GNL3: variants seen among roughly 807,000 people sequenced by gnomAD.
GNL3 encodes guanine nucleotide-binding protein-like 3.
A neutral mutation model predicts 70.6 loss-of-function variants in GNL3; 77 were observed. The observed-to-expected ratio is 1.09, with a 90% confidence interval of 0.91 to 1.32. The LOEUF (loss-of-function observed/expected upper bound fraction) is 1.32. Among genes scored for constraint, GNL3 ranks in the 40% most tolerant of loss-of-function variants. GNL3 has a pLI of 0.00. For missense variants in GNL3, 634 were observed against 644.0 expected (o/e 0.98, Z 0.17); for synonymous variants, 252 against 216.1 (o/e 1.17, Z -1.46).
At position 52,687,246 on chromosome 3, in the gene GNL3, G is replaced by A. The variant is rs1170303484; in HGVS notation, c.73G>A (p.Val25Ile). 1 of 1,611,014 alleles carries A rather than the reference G, an allele frequency of 6.2e-7. No homozygotes were observed. Among genetic ancestry groups the A allele is most frequent in the South Asian group, 1.1e-5 (1 of 91,014 alleles). ...CHKRYKIQKK[V>I]REHHRKLRKE... Reference sequence around the variant, plus strand: ...AGACAAAATCTCTTTATTTTAATAGGTTCGAGAACATCATCGAAAATTAAG... The same window carrying A: ...AGACAAAATCTCTTTATTTTAATAGATTCGAGAACATCATCGAAAATTAAG... Residue 25 changes from valine to isoleucine, a missense_variant and splice_region_variant, in exon 3 of 15, where the codon GTT becomes ATT. Coordinates refer to ENST00000418458, the MANE Select transcript of GNL3 (RefSeq NM_014366.5).
rs1036072311 is a variant in GNL3, at chr3:52,688,320, G to A, written c.408+128G>A. 12 of 618,352 alleles carry A rather than the reference G, an allele frequency of 1.9e-5. No homozygotes were observed. In the East Asian group the frequency reaches 2.7e-4, roughly 14 times the overall value. 38.3% of individuals were successfully genotyped at this position (618,352 alleles called of 1,614,324 possible). ...GTTATATGGGTAAACTTGCGTCATA[G>A]GGGTTTGCTGTACAGATTATTTCAT... On this transcript the variant is annotated intron_variant, in intron 5 of 14. Coordinates refer to ENST00000418458, the MANE Select transcript of GNL3 (RefSeq NM_014366.5).
intron 1 of GNL3, 82 bp from the exon 2 acceptor site, chr3:52,686,687 C>T (rs930689897): frequency 1.9e-6 from 2 of 1,048,180 alleles, no homozygotes; most frequent in African/African-American, 3.2e-5. Context: ...GCCAATAACA[C>T]AAGAAAAGGA....
Position 52,693,335 on chromosome 3 carries a change from CTTTCT to C in GNL3, c.1187+12_1187+16del. ...CTGTGGTCTGAGTGGACAGGGTAAGCTTTCTTTTCTGTTGGCATTTTGGTGACCAC... is the reference window on the plus strand; with the variant it reads ...CTGTGGTCTGAGTGGACAGGGTAAGCTTTCTGTTGGCATTTTGGTGACCAC... On this transcript the variant is annotated splice_region_variant and intron_variant, in intron 11 of 14. Transcript: ENST00000418458. 1 of 1,613,552 alleles carries C rather than the reference CTTTCT, an allele frequency of 6.2e-7. No homozygotes were observed.
intron 7 of GNL3, 25 bp from the exon 8 acceptor site, chr3:52,690,920 A>G (rs778993298): frequency 1.1e-5 from 18 of 1,612,034 alleles, no homozygotes; most frequent in Non-Finnish European, 1.4e-5. Context: ...AGTTGCCAGA[A>G]TAATTCAACT....
intron 9 of GNL3, among the ~76,000 whole-genome samples, chr3:52,691,975 A>G (rs1284107066): frequency 6.6e-6 from 1 of 152,174 alleles, no homozygotes; most frequent in South Asian, 2.1e-4. Context: ...TGCTGGGGTT[A>G]CAGGCCAAGC....
In GNL3 at chr3:52,686,775, A is replaced by G. The variant is rs1248286013; in HGVS notation, c.20A>G (p.Lys7Arg). 6.2e-7 allele frequency: 1 copy of G among 1,611,440 alleles called. No individual in the cohort carries two copies. The highest frequency in any genetic ancestry group is 8.5e-7 in the Non-Finnish European group (1 of 1,177,594). MKRPKL[K>R]KASKRMTCHK... is the part of the protein sequence containing the mutation. ...GTGATGTGTTTCTTTGTAGAGTTAA[A>G]GAAAGCAAGTAAACGCATGACCTGC... Residue 7 changes from lysine (K) to arginine (R), a missense_variant, in exon 2 of 15, where the codon AAG (lysine) becomes AGG (arginine). By Grantham distance (26) the Lys-to-Arg change is conservative (BLOSUM62 2). Transcript: ENST00000418458.
chr3:52,689,607 G>A (rs985239892), intron 6 of GNL3, among the ~76,000 whole-genome samples: 1 of 152,182 alleles, frequency 6.6e-6, no homozygotes, highest in African/African-American at 2.4e-5. Context: ...ATGCATCTGA[G>A]TTTGAGCAGC....
rs771500942 is a variant in GNL3 at position 52,693,526 on chromosome 3, A to G, written c.1306A>G (p.Asn436Asp). Residue 436 changes from asparagine (N) to aspartate (D), a missense_variant, in exon 12 of 15, where the codon AAT becomes GAT. Asn to Asp is a conservative substitution (Grantham distance 23). Coordinates refer to ENST00000418458, the MANE Select transcript of GNL3 (RefSeq NM_014366.5). ...GFNLEELEKN[N>D]AQSIRAIKGP... ...CAATCTGGAAGAACTGGAAAAGAAC[A>G]ATGCACAGAGCATAAGAGGTGAGAA... 7 of 1,614,214 alleles carry G rather than the reference A, an allele frequency of 4.3e-6. No homozygotes were observed. Among genetic ancestry groups the G allele is most frequent in the Non-Finnish European group, 5.9e-6 (7 of 1,180,040 alleles).
At chr3:52,685,944 C>T, upstream of GNL3, 2 of 717,172 alleles carry the variant, frequency 2.8e-6, no homozygotes, top group Admixed American at 2.0e-5. Context: ...ATCCCTGCTC[C>T]GCGCGACACT....
chr3:52,686,208 G>T, intron 1 of GNL3, 103 bp downstream of exon 1: 2 of 1,291,458 alleles, frequency 1.5e-6, no homozygotes, highest in South Asian at 1.2e-5. Context: ...TGCTGGTATG[G>T]GGGTGGGAGC....
At chr3:52,690,209 T>A (rs918449147) in intron 6 of GNL3, among the ~76,000 whole-genome samples, 1 of 152,214 alleles carries the variant, frequency 6.6e-6, no homozygotes, top group Non-Finnish European at 1.5e-5. Context: ...AATCTATAGT[T>A]GCCAGATTTT....
At chr3:52,692,369 A>AATTTTTTTTTTTTTTTT (rs71087009) in intron 9 of GNL3, among the ~76,000 whole-genome samples, 1 of 126,446 alleles carries the variant, frequency 7.9e-6, no homozygotes, top group Non-Finnish European at 1.6e-5. Context: ...CAACTTTTAG[A>AATTTTTTTTTTTTTTTT]TTTTTTTTTT....
rs753943998 is a variant in GNL3 at position 52,693,775 on chromosome 3, A to T, written c.1468A>T (p.Ser490Cys). Residue 490 changes from serine to cysteine, a missense_variant, in exon 13 of 15, where the codon AGT becomes TGT. Transcript: ENST00000418458. ...GGAGGAGAGGGAGGATGACAAAGAC[A>T]GTGACCAGGAAACTGTTGATGAAGA... ...KQEEREDDKDSDQETVDEEVD... is the reference protein window; with the variant it reads ...KQEEREDDKDCDQETVDEEVD... The T allele has an allele frequency of 1.9e-6, 3 of 1,614,158 alleles. No homozygotes were observed. Among genetic ancestry groups the T allele is most frequent in the Middle Eastern group, 1.6e-4 (1 of 6,062 alleles).
chr3:52,689,962 A>AT (rs1561254808), intron 6 of GNL3, among the ~76,000 whole-genome samples: 1 of 152,206 alleles, frequency 6.6e-6, no homozygotes, highest in Non-Finnish European at 1.5e-5. Context: ...TGAAGAAACA[A>AT]TTGGCTGCTA....
chr3:52,688,530 G>A (rs920130013), intron 5 of GNL3, among the ~76,000 whole-genome samples: 3 of 152,056 alleles, frequency 2.0e-5, no homozygotes, highest in Admixed American at 2.0e-4. Context: ...AACTGGTTCT[G>A]CCTGTAAGCA....
rs547382267 is a variant in GNL3, at chr3:52,689,275, A to T, written c.541+69A>T. ...GGTACGAGGAAACAGTCTGATAGTC[A>T]CTGAAGACTGATTAGATCCAACTCT... is the stretch of plus-strand genomic sequence containing the variant. On this transcript the variant is annotated intron_variant, in intron 6 of 14. Coordinates refer to ENST00000418458, the MANE Select transcript of GNL3 (RefSeq NM_014366.5). 1.2e-5 allele frequency: 16 copies of T among 1,351,060 alleles called. No homozygotes were observed. In the African/African-American group the frequency reaches 2.1e-4, roughly 18 times the overall value. 83.7% of individuals were successfully genotyped at this position (1,351,060 alleles called of 1,614,324 possible). A position where few individuals can be genotyped will look rare whatever the true frequency, so the allele number is the denominator to read the frequency against.
Position 52,688,127 on chromosome 3 carries a change from A to G in GNL3, c.343A>G (p.Thr115Ala). ...CCTCTAGGAGTTTGGGCTTTGCAAA[A>G]CTGAGAACAAAGCCAAGTCGGGCAA... ...PMEKEFGLCKTENKAKSGKQN... is the reference protein window; with the variant it reads ...PMEKEFGLCKAENKAKSGKQN... The change falls in exon 5 of 15, where the codon ACT becomes GCT. Residue 115 changes from threonine to alanine, a missense_variant. Thr to Ala is a moderately conservative substitution (Grantham distance 58). Coordinates refer to ENST00000418458, the MANE Select transcript of GNL3 (RefSeq NM_014366.5). The G allele has an allele frequency of 6.2e-7, 1 of 1,608,778 alleles. No homozygotes were observed. Among genetic ancestry groups the G allele is most frequent in the Middle Eastern group, 1.7e-4 (1 of 6,054 alleles).
intron 2 of GNL3, 172 bp downstream of exon 2, chr3:52,686,999 A>G (rs920869474): frequency 1.6e-6 from 1 of 633,422 alleles, no homozygotes; most frequent in South Asian, 2.0e-5. Flanking sequence ...GAGAAAGTGC[A>G]GTGATTTGGT....
chr3:52,689,888 G>T (rs2097325680), intron 6 of GNL3, among the ~76,000 whole-genome samples: 1 of 152,262 alleles, frequency 6.6e-6, no homozygotes, highest in South Asian at 2.1e-4. Flanking sequence ...GGAGGCGGAG[G>T]TTGCAGTGAG....
Sources: allele counts gnomAD v4.1 joint callset (sites outside exome capture counted in the v4.1 genomes callset), GRCh38; gene constraint gnomAD v4.1.1; transcripts MANE v1.5; gene names NCBI Gene and HGNC (gene_info 2026-07-23, HGNC 2026-07-21).